The following HS6ST3 variants were observed in gnomAD, a reference collection of about 807,000 sequenced individuals.
HS6ST3 encodes the protein heparan-sulfate 6-O-sulfotransferase 3.
In HS6ST3, 12 loss-of-function variants were observed where a neutral mutation model predicts 36.7. That is an observed-to-expected ratio of 0.33 (90% CI 0.21 to 0.53). The LOEUF is 0.53. HS6ST3 is among the 20% of genes least tolerant of loss of function. The pLI, the probability that HS6ST3 is intolerant of heterozygous loss-of-function variation, is 0.95. For synonymous variants in HS6ST3, 240 were observed against 257.5 expected, an observed-to-expected ratio of 0.93 and a Z score of 0.65; for missense variants, 584 against 640.9, an observed-to-expected ratio of 0.91 and a Z score of 0.96.
At position 96,090,275 on chromosome 13, in the gene HS6ST3, C is replaced by A. The variant is rs2139288359; in HGVS notation, c.-588C>A. Among the ~76,000 whole-genome samples the A allele has an allele frequency of 6.6e-6, 1 of 151,138 alleles. No homozygotes were observed. Among genetic ancestry groups the A allele is most frequent in the Non-Finnish European group, 1.5e-5 (1 of 67,694 alleles). On this transcript the variant is annotated 5_prime_UTR_variant, in exon 1 of 2. Coordinates refer to ENST00000376705, the MANE Select transcript of HS6ST3 (RefSeq NM_153456.4). ...CTGCGGGGGCCGCTCTGCAAACTTG[C>A]GGCGAGCGCCGTCAGCCCTCGCGGC...
chr13:96,282,048 T>C (rs2054778432), intron 1 of HS6ST3, among the ~76,000 whole-genome samples: 1 of 152,226 alleles, frequency 6.6e-6, no homozygotes, highest in African/African-American at 2.4e-5. Context: ...ACTTCTGTTG[T>C]ATTTTAATCT....
At chr13:96,281,802 C>T (rs1056804639) in intron 1 of HS6ST3, among the ~76,000 whole-genome samples, 1 of 152,286 alleles carries the variant, frequency 6.6e-6, no homozygotes, top group East Asian at 1.9e-4. Flanking sequence ...AGACTTCCCT[C>T]ATGAAACATT....
chr13:96,776,003 G>A (rs1438524182), intron 1 of HS6ST3, among the ~76,000 whole-genome samples: 1 of 152,204 alleles, frequency 6.6e-6, no homozygotes, highest in Non-Finnish European at 1.5e-5. Context: ...TTGGACCACA[G>A]TGCAATCAAA....
intron 1 of HS6ST3, among the ~76,000 whole-genome samples, chr13:96,324,908 G>A (rs536566853): frequency 5.9e-5 from 9 of 152,206 alleles, no homozygotes; most frequent in East Asian, 3.9e-4. Context: ...TGTTGTTTTC[G>A]CCACCTAGTT....
intron 1 of HS6ST3, among the ~76,000 whole-genome samples, chr13:96,711,445 T>C (rs1257686698): frequency 3.3e-5 from 5 of 152,254 alleles, no homozygotes; most frequent in Non-Finnish European, 7.3e-5. Context: ...CATTTTAACA[T>C]CTAGATGCAT....
At chr13:96,614,382 G>C (rs1188591246) in intron 1 of HS6ST3, among the ~76,000 whole-genome samples, 4 of 151,110 alleles carry the variant, frequency 2.6e-5, no homozygotes, top group African/African-American at 9.8e-5. Context: ...GGAGAAATGG[G>C]TAAGGAGGGA....
chr13:96,224,744 G>C (rs1449640095), intron 1 of HS6ST3, among the ~76,000 whole-genome samples: 2 of 152,218 alleles, frequency 1.3e-5, no homozygotes, highest in African/African-American at 2.4e-5. Flanking sequence ...GGCAGTGCTT[G>C]GTCATCGAAG....
chr13:96,736,939 C>A (rs1876300099), intron 1 of HS6ST3, among the ~76,000 whole-genome samples: 1 of 152,150 alleles, frequency 6.6e-6, no homozygotes, highest in African/African-American at 2.4e-5. Flanking sequence ...GAACCTATAA[C>A]ATAGATCTGA....
At chr13:96,186,290 G>A (rs1033283397) in intron 1 of HS6ST3, among the ~76,000 whole-genome samples, 1 of 152,172 alleles carries the variant, frequency 6.6e-6, no homozygotes, top group African/African-American at 2.4e-5. Flanking sequence ...CTCATCTACA[G>A]TTCAGCCTGA....
At position 96,833,063 on chromosome 13, in the gene HS6ST3, C is replaced by T; in HGVS notation, c.1281C>T (p.His427=). The T allele has an allele frequency of 3.1e-6, 5 of 1,612,964 alleles. No individual in the cohort carries two copies. Among genetic ancestry groups the T allele is most frequent in the Non-Finnish European group, 4.2e-6 (5 of 1,180,008 alleles). Residue 427 remains histidine (H), a synonymous_variant, in exon 2 of 2, where the codon CAC becomes CAT. Transcript: ENST00000376705. Reference sequence around the variant, plus strand: ...ACCACCACACCAAGCAGCTAGAGCACCAGAGGGACCGCCAGAAGCGGCGGG... The same window carrying T: ...ACCACCACACCAAGCAGCTAGAGCATCAGAGGGACCGCCAGAAGCGGCGGG... ...QRYHHTKQLE[H]QRDRQKRREE...
At chr13:96,422,651 G>A (rs1039332599) in intron 1 of HS6ST3, among the ~76,000 whole-genome samples, 1 of 152,110 alleles carries the variant, frequency 6.6e-6, no homozygotes, top group Non-Finnish European at 1.5e-5. Context: ...AATTGCATTA[G>A]AACTAATTCT....
chr13:96,222,492 A>G (rs2054460841), intron 1 of HS6ST3, among the ~76,000 whole-genome samples: 1 of 152,228 alleles, frequency 6.6e-6, no homozygotes, highest in South Asian at 2.1e-4. Context: ...CAACGAGGTA[A>G]CAAGATCAGC....
At chr13:96,320,260 T>A (rs2054996726) in intron 1 of HS6ST3, among the ~76,000 whole-genome samples, 1 of 152,138 alleles carries the variant, frequency 6.6e-6, no homozygotes, top group Non-Finnish European at 1.5e-5. Flanking sequence ...ATTCCCCCCT[T>A]TGGATTCTGA....
At chr13:96,312,201 C>T (rs1178886482) in intron 1 of HS6ST3, among the ~76,000 whole-genome samples, 1 of 152,104 alleles carries the variant, frequency 6.6e-6, no homozygotes, top group Non-Finnish European at 1.5e-5. Flanking sequence ...AGTATCCAGC[C>T]CCTCTTCATT....
chr13:96,376,447 T>G (rs1463706185), intron 1 of HS6ST3, among the ~76,000 whole-genome samples: 1 of 152,200 alleles, frequency 6.6e-6, no homozygotes, highest in Non-Finnish European at 1.5e-5. Context: ...TTTGTTTCTT[T>G]AGTGTCACAT....
At chr13:96,592,299 T>A (rs1016917717) in intron 1 of HS6ST3, among the ~76,000 whole-genome samples, 2 of 152,184 alleles carry the variant, frequency 1.3e-5, no homozygotes, top group African/African-American at 2.4e-5. Flanking sequence ...CTCTATACCT[T>A]AACTTCATCC....
chr13:96,810,079 C>T (rs1459936555), intron 1 of HS6ST3, among the ~76,000 whole-genome samples: 1 of 152,198 alleles, frequency 6.6e-6, no homozygotes, highest in Non-Finnish European at 1.5e-5. Flanking sequence ...CCAGTACCCT[C>T]TGATGCTGAA....
chr13:96,658,922 G>A (rs2056636623), intron 1 of HS6ST3, among the ~76,000 whole-genome samples: 1 of 151,666 alleles, frequency 6.6e-6, no homozygotes, highest in Non-Finnish European at 1.5e-5. Context: ...TGGTCTGGTT[G>A]GTATCGAACT....
At chr13:96,111,813 A>G (rs553019789) in intron 1 of HS6ST3, among the ~76,000 whole-genome samples, 1 of 152,234 alleles carries the variant, frequency 6.6e-6, no homozygotes, top group Non-Finnish European at 1.5e-5. Flanking sequence ...ACTGTGACCT[A>G]CATAAAGAGA....
Sources: gnomAD v4.1 joint callset for allele counts (sites outside exome capture counted in the v4.1 genomes callset) on GRCh38, gnomAD v4.1.1 for gene constraint, MANE v1.5 for transcripts, NCBI Gene and HGNC (gene_info 2026-07-23, HGNC 2026-07-21) for gene names.